ZPLD1: variants seen among roughly 807,000 people sequenced by gnomAD.
ZPLD1 encodes the protein zona pellucida-like domain-containing protein 1.
A neutral mutation model predicts 47.2 loss-of-function variants in ZPLD1; 34 were observed. That is an observed-to-expected ratio of 0.72 (90% CI 0.55 to 0.96). The LOEUF (loss-of-function observed/expected upper bound fraction) is 0.96, where lower values mean the gene tolerates loss of function less well. ZPLD1 is among the 40% of genes least tolerant of loss of function. The probability of loss-of-function intolerance (pLI) is 0.00; values close to 1 mark genes in which losing one functional copy is unlikely to be tolerated. For synonymous variants in ZPLD1, 176 were observed against 186.2 expected, an observed-to-expected ratio of 0.95 and a Z score of 0.45; for missense variants, 512 against 505.8, an observed-to-expected ratio of 1.01 and a Z score of -0.12.
intron 7 of ZPLD1, among the ~76,000 whole-genome samples, chr3:102,399,696 A>G (rs1426803885): frequency 6.6e-6 from 1 of 152,128 alleles, no homozygotes; most frequent in African/African-American, 2.4e-5. Flanking sequence ...ATGTATACAC[A>G]TTAATATACT....
At chr3:102,420,692 C>A (rs912424702) in intron 8 of ZPLD1, among the ~76,000 whole-genome samples, 1 of 150,632 alleles carries the variant, frequency 6.6e-6, no homozygotes, top group African/African-American at 2.4e-5. Context: ...TTTGGCTTGC[C>A]GGCTGTAGTT....
chr3:102,411,958 C>T (rs572509376), intron 7 of ZPLD1, among the ~76,000 whole-genome samples: 1 of 151,684 alleles, frequency 6.6e-6, no homozygotes, highest in Admixed American at 6.6e-5. Context: ...TGGGGAAGTC[C>T]AAAATCTGTA....
chr3:102,430,206 G>A (rs1162876586), upstream of ZPLD1, among the ~76,000 whole-genome samples: 1 of 152,132 alleles, frequency 6.6e-6, no homozygotes, highest in African/African-American at 2.4e-5. Context: ...GACATTTGAG[G>A]ATCTGTGGTC....
intron 8 of ZPLD1, among the ~76,000 whole-genome samples, chr3:102,423,175 A>G (rs62274731): frequency 0.14 from 21,119 of 152,098 alleles, 1,517 homozygotes; most frequent in Middle Eastern, 0.18. Flanking sequence ...GTTGCTGATT[A>G]GCTGACTCTT....
intron 6 of ZPLD1, among the ~76,000 whole-genome samples, chr3:102,460,012 T>G (rs138572683): frequency 6.6e-6 from 1 of 152,234 alleles, no homozygotes; most frequent in East Asian, 1.9e-4. Context: ...AGTGTCATCA[T>G]AGTATTTTGC....
chr3:102,453,052 AG>A lies in ZPLD1; in HGVS notation c.243del (p.Phe82SerfsTer46). The A allele has an allele frequency of 6.2e-7, 1 of 1,614,104 alleles. No homozygotes were observed. The highest frequency in any genetic ancestry group is 8.5e-7 in the Non-Finnish European group (1 of 1,179,990). ...GAAGGCATGGGGACTCCCACTGCAG[AG>A]GGTTCATCAATAACAACACCTTTCC... ...NGRHGDSHCR[G>X]FINNNTFPAV... On this transcript the variant is annotated frameshift_variant, in exon 4 of 12. Coordinates refer to ENST00000466937, the MANE Select transcript of ZPLD1 (RefSeq NM_001329788.2). LOFTEE classifies it high-confidence loss of function.
chr3:102,460,796 A>T (rs1416479730), intron 6 of ZPLD1, among the ~76,000 whole-genome samples: 3 of 151,966 alleles, frequency 2.0e-5, no homozygotes, highest in African/African-American at 4.8e-5. Flanking sequence ...AAAATGACTC[A>T]GCAATATAAT....
intron 7 of ZPLD1, among the ~76,000 whole-genome samples, chr3:102,408,877 A>C (rs1706721018): frequency 6.6e-6 from 1 of 151,866 alleles, no homozygotes; most frequent in Non-Finnish European, 1.5e-5. Context: ...GTATAATAAT[A>C]ATCTAAACAA....
At chr3:102,445,783 G>A (rs1707247456) in intron 3 of ZPLD1, among the ~76,000 whole-genome samples, 1 of 152,170 alleles carries the variant, frequency 6.6e-6, no homozygotes, top group Non-Finnish European at 1.5e-5. Context: ...GCTGTTAATA[G>A]TAATAGGTAT....
chr3:102,439,211 A>G (rs570682452), intron 3 of ZPLD1, among the ~76,000 whole-genome samples: 1 of 152,378 alleles, frequency 6.6e-6, no homozygotes, highest in African/African-American at 2.4e-5. Context: ...ACCACAGTTC[A>G]ACATTTACAA....
intron 8 of ZPLD1, among the ~76,000 whole-genome samples, chr3:102,426,779 T>A (rs550894872): frequency 4.3e-4 from 66 of 152,346 alleles, no homozygotes; most frequent in African/African-American, 1.3e-3. Flanking sequence ...TGGCTAAAAC[T>A]TTTGTGGATG....
At chr3:102,447,673 G>A (rs1204599362) in intron 3 of ZPLD1, among the ~76,000 whole-genome samples, 2 of 152,160 alleles carry the variant, frequency 1.3e-5, no homozygotes, top group Non-Finnish European at 2.9e-5. Context: ...AAATGATGCA[G>A]TCTATCAAAA....
intron 6 of ZPLD1, among the ~76,000 whole-genome samples, chr3:102,390,251 C>G (rs1486342509): frequency 6.6e-6 from 1 of 152,158 alleles, no homozygotes; most frequent in Non-Finnish European, 1.5e-5. Flanking sequence ...AGCGTGCTTT[C>G]TACTCTAACT....
intron 10 of ZPLD1, among the ~76,000 whole-genome samples, chr3:102,473,534 A>C (rs571040115): frequency 1.4e-4 from 21 of 152,162 alleles, no homozygotes; most frequent in Non-Finnish European, 1.8e-4. Flanking sequence ...AGAGGAGCAC[A>C]CTCATGCTTT....
chr3:102,421,133 C>T (rs968820968), intron 8 of ZPLD1, among the ~76,000 whole-genome samples: 3 of 151,834 alleles, frequency 2.0e-5, no homozygotes, highest in African/African-American at 7.2e-5. Flanking sequence ...GACTGAAGAC[C>T]GCTTATTGTC....
At position 102,457,862 on chromosome 3, in the gene ZPLD1, A is replaced by G. The variant is rs1049268520; in HGVS notation, c.582+9A>G. 1.9e-6 allele frequency: 3 copies of G among 1,613,528 alleles called. No individual in the cohort carries two copies. Among genetic ancestry groups the G allele is most frequent in the East Asian group, 2.2e-5 (1 of 44,816 alleles). On this transcript the variant is annotated intron_variant, in intron 6 of 11. Coordinates refer to ENST00000466937, the MANE Select transcript of ZPLD1 (RefSeq NM_001329788.2). ...ACCTGCTCCTTTATAACGTAAGTTG[A>G]TGGGTGAAGGATGTTATTTTCTCTT...
chr3:102,441,840 T>C (rs1707183552), intron 3 of ZPLD1, among the ~76,000 whole-genome samples: 1 of 152,134 alleles, frequency 6.6e-6, no homozygotes, highest in Non-Finnish European at 1.5e-5. Flanking sequence ...ACCTGGTAAG[T>C]AGGGTGACCA....
chr3:102,460,555 TGA>T (rs1409829508), intron 6 of ZPLD1, among the ~76,000 whole-genome samples: 1 of 151,992 alleles, frequency 6.6e-6, no homozygotes, highest in African/African-American at 2.4e-5. Flanking sequence ...TAGATTCTTC[TGA>T]GAGTGTGGAG....
chr3:102,455,768 G>A (rs1424404650), intron 4 of ZPLD1, among the ~76,000 whole-genome samples: 15 of 152,152 alleles, frequency 9.9e-5, no homozygotes, highest in Non-Finnish European at 2.2e-4. Flanking sequence ...ATCCTGGGGA[G>A]GAGTAGGATA....
Sources: gnomAD v4.1 joint callset for allele counts (sites outside exome capture counted in the v4.1 genomes callset) on GRCh38, gnomAD v4.1.1 for gene constraint, MANE v1.5 for transcripts, NCBI Gene and HGNC (gene_info 2026-07-23, HGNC 2026-07-21) for gene names.